The following CADM2 variants were observed in gnomAD, a reference collection of about 807,000 sequenced individuals.
CADM2 encodes immunoglobulin superfamily member 4D.
Under a neutral mutation model 49.8 loss-of-function variants are expected in CADM2, and 12 were observed. That is an observed-to-expected ratio of 0.24 (90% CI 0.15 to 0.39). The LOEUF is 0.39. Among genes scored for constraint, CADM2 ranks in the 10% least tolerant of loss-of-function variants. The pLI is 1.00. For missense variants in CADM2, 378 were observed against 492.3 expected (o/e 0.77, Z 2.20); for synonymous variants, 214 against 175.4 (o/e 1.22, Z -1.74).
At chr3:85,735,976 A>G (rs2068116320) in intron 2 of CADM2, among the ~76,000 whole-genome samples, 1 of 152,118 alleles carries the variant, frequency 6.6e-6, no homozygotes, top group Non-Finnish European at 1.5e-5. Context: ...AATCATGTGG[A>G]CAGTCAATAA....
intron 3 of CADM2, among the ~76,000 whole-genome samples, chr3:85,849,381 T>C (rs948619373): frequency 6.6e-6 from 1 of 152,258 alleles, no homozygotes; most frequent in Non-Finnish European, 1.5e-5. Flanking sequence ...CTGAATTAGC[T>C]ATTTCTATTT....
chr3:85,476,638 G>A (rs879871967), intron 1 of CADM2, among the ~76,000 whole-genome samples: 3 of 151,714 alleles, frequency 2.0e-5, no homozygotes, highest in Non-Finnish European at 4.4e-5. Context: ...TCTGCAAACC[G>A]CTCAACCTGT....
chr3:85,457,132 G>A (rs946059403), intron 1 of CADM2, among the ~76,000 whole-genome samples: 10 of 152,104 alleles, frequency 6.6e-5, no homozygotes, highest in African/African-American at 2.4e-4. Flanking sequence ...GCAAAGAAAG[G>A]CCAGGAGCAG....
intron 1 of CADM2, among the ~76,000 whole-genome samples, chr3:85,666,914 C>G (rs1263369268): frequency 6.6e-6 from 1 of 151,990 alleles, no homozygotes; most frequent in African/African-American, 2.4e-5. Context: ...CCAAGCTACC[C>G]TGTACATATA....
chr3:85,355,464 T>G (rs1484504198), intron 1 of CADM2, among the ~76,000 whole-genome samples: 1 of 152,084 alleles, frequency 6.6e-6, no homozygotes, highest in Non-Finnish European at 1.5e-5. Context: ...TAGATTTGTT[T>G]GCTGTGAAAT....
At chr3:85,138,851 A>G (rs544381691) in intron 1 of CADM2, among the ~76,000 whole-genome samples, 8 of 152,316 alleles carry the variant, frequency 5.3e-5, no homozygotes, top group African/African-American at 1.9e-4. Context: ...CTTTTACAGT[A>G]AAAGTATGAG....
intron 1 of CADM2, among the ~76,000 whole-genome samples, chr3:85,324,859 G>C (rs1003432570): frequency 3.9e-5 from 6 of 152,176 alleles, no homozygotes; most frequent in Admixed American, 2.0e-4. Context: ...TCTCGCCTTT[G>C]AAGTCAGCTG....
rs1239370950 is a variant in CADM2 at position 85,125,757 on chromosome 3, T to C, written c.61+166089T>C. ...CTGCCAATAATTCATAACTGTAGCA[T>C]CCTGGATCAAAATTATGGCACGTGT... On this transcript the variant is annotated intron_variant, in intron 1 of 9. Transcript: ENST00000383699. Among the ~76,000 whole-genome samples the C allele has an allele frequency of 2.0e-5, 3 of 152,354 alleles. No homozygotes were observed. In the East Asian group the frequency reaches 5.8e-4, roughly 29 times the overall value.
At chr3:85,113,773 A>G (rs1201013218) in intron 1 of CADM2, among the ~76,000 whole-genome samples, 1 of 151,570 alleles carries the variant, frequency 6.6e-6, no homozygotes, top group Non-Finnish European at 1.5e-5. Context: ...TATTGTGGAA[A>G]GGACTTTAGA....
intron 8 of CADM2, among the ~76,000 whole-genome samples, chr3:86,030,723 A>G (rs1201443618): frequency 6.6e-6 from 1 of 151,938 alleles, no homozygotes; most frequent in Non-Finnish European, 1.5e-5. Flanking sequence ...TATTTTCTTC[A>G]ACTGTGAATC....
At chr3:86,019,682 C>G (rs1223899347) in intron 8 of CADM2, among the ~76,000 whole-genome samples, 1 of 151,974 alleles carries the variant, frequency 6.6e-6, no homozygotes, top group Non-Finnish European at 1.5e-5. Context: ...CTCTGTTTGT[C>G]TGTTGTTGGT....
chr3:85,792,842 A>G (rs2071417741), intron 2 of CADM2, among the ~76,000 whole-genome samples: 1 of 152,226 alleles, frequency 6.6e-6, no homozygotes, highest in South Asian at 2.1e-4. Context: ...ATCTCTCTTT[A>G]CTACTTCGCT....
intron 1 of CADM2, among the ~76,000 whole-genome samples, chr3:85,074,926 A>AG (rs1284475274): frequency 6.6e-6 from 1 of 152,108 alleles, no homozygotes; most frequent in African/African-American, 2.4e-5. Context: ...TCTCAAAAAA[A>AG]AAAAAATCCA....
intron 8 of CADM2, chr3:85,979,210 C>T: frequency 1.2e-6 from 2 of 1,610,992 alleles, no homozygotes. Context: ...CCTCCCTTAC[C>T]ACTGCAACAG....
chr3:85,628,627 ACG>A (rs1559953084), intron 1 of CADM2, among the ~76,000 whole-genome samples: 3 of 57,920 alleles, frequency 5.2e-5, no homozygotes, highest in South Asian at 5.2e-4. Flanking sequence ...ATACATATAT[ACG>A]CATATATACA....
chr3:85,725,999 A>G (rs2067682561), intron 1 of CADM2, among the ~76,000 whole-genome samples: 3 of 152,036 alleles, frequency 2.0e-5, no homozygotes, highest in South Asian at 4.1e-4. Context: ...TCTCATTCCC[A>G]GTTTCCACAT....
intron 1 of CADM2, among the ~76,000 whole-genome samples, chr3:85,453,493 T>C (rs1273092103): frequency 6.6e-6 from 1 of 152,142 alleles, no homozygotes; most frequent in Admixed American, 6.5e-5. Context: ...CTATAGTACA[T>C]ATTAGCATTT....
chr3:85,269,492 T>A (rs2043188902), intron 1 of CADM2, among the ~76,000 whole-genome samples: 1 of 151,432 alleles, frequency 6.6e-6, no homozygotes, highest in Admixed American at 6.6e-5. Context: ...TTAACATAAA[T>A]CTGAGTATCT....
intron 1 of CADM2, among the ~76,000 whole-genome samples, chr3:85,282,626 C>G (rs1369905122): frequency 1.3e-5 from 2 of 151,760 alleles, no homozygotes; most frequent in South Asian, 2.1e-4. Context: ...GAGAGAATTA[C>G]CGTAGTAAAG....
Sources: allele counts gnomAD v4.1 joint callset (sites outside exome capture counted in the v4.1 genomes callset), GRCh38; gene constraint gnomAD v4.1.1; transcripts MANE v1.5; gene names NCBI Gene and HGNC (gene_info 2026-07-23, HGNC 2026-07-21).